Variants in ADCY2 observed in about 807,000 individuals in gnomAD.
The protein encoded by ADCY2 is adenylate cyclase type 2.
A neutral mutation model predicts 125.2 loss-of-function variants in ADCY2; 31 were observed. The ratio of observed to expected loss-of-function variants is 0.25; its 90% CI spans 0.19 to 0.33. The LOEUF is 0.33. ADCY2 is among the 10% of genes least tolerant of loss of function. The pLI is 1.00. For synonymous variants in ADCY2, 512 were observed against 548.4 expected, an observed-to-expected ratio of 0.93 and a Z score of 0.93; for missense variants, 904 against 1,418.2, an observed-to-expected ratio of 0.64 and a Z score of 5.82.
intron 3 of ADCY2, among the ~76,000 whole-genome samples, chr5:7,623,276 T>A (rs1354674933): frequency 6.6e-6 from 1 of 152,230 alleles, no homozygotes; most frequent in Non-Finnish European, 1.5e-5. Context: ...GAATAATCAC[T>A]GAGTTGCTTT....
At chr5:7,588,805 A>C (rs979748121) in intron 3 of ADCY2, among the ~76,000 whole-genome samples, 3 of 152,236 alleles carry the variant, frequency 2.0e-5, no homozygotes, top group African/African-American at 7.2e-5. Context: ...CTGTACAAAA[A>C]CAAGCTGCAG....
intron 1 of ADCY2, among the ~76,000 whole-genome samples, chr5:7,402,668 C>T (rs1479397987): frequency 6.6e-6 from 1 of 152,180 alleles, no homozygotes; most frequent in Non-Finnish European, 1.5e-5. Context: ...CAGATTGTAT[C>T]TCAGAGTTGA....
At chr5:7,675,001 A>G (rs1006144127) in intron 4 of ADCY2, among the ~76,000 whole-genome samples, 2 of 151,940 alleles carry the variant, frequency 1.3e-5, no homozygotes, top group African/African-American at 4.8e-5. Context: ...TAAAAATACA[A>G]AAAATTAGCT....
intron 23 of ADCY2, among the ~76,000 whole-genome samples, chr5:7,819,187 G>T (rs115077063): frequency 0.012 from 1,794 of 152,208 alleles, 37 homozygotes; most frequent in African/African-American, 0.041. Flanking sequence ...CACATTGAGG[G>T]TGGGTCTGCC....
At chr5:7,579,093 A>C (rs1245101851) in intron 3 of ADCY2, among the ~76,000 whole-genome samples, 1 of 152,186 alleles carries the variant, frequency 6.6e-6, no homozygotes, top group Non-Finnish European at 1.5e-5. Context: ...CAGTGGGGTA[A>C]TATAGTTTCA....
intron 3 of ADCY2, among the ~76,000 whole-genome samples, chr5:7,591,963 A>G (rs1054533967): frequency 1.3e-5 from 2 of 152,118 alleles, no homozygotes. Flanking sequence ...TTTCCTTTTC[A>G]ATTTGTAGAA....
At chr5:7,485,133 C>T (rs1173004615) in intron 2 of ADCY2, among the ~76,000 whole-genome samples, 2 of 152,134 alleles carry the variant, frequency 1.3e-5, no homozygotes, top group Non-Finnish European at 1.5e-5. Context: ...AATTATCAGC[C>T]CTCTTTATAC....
chr5:7,472,310 AATCT>A (rs1742370775), intron 2 of ADCY2, among the ~76,000 whole-genome samples: 1 of 152,088 alleles, frequency 6.6e-6, no homozygotes, highest in East Asian at 1.9e-4. Context: ...TTCACTTGTG[AATCT>A]ATCAAAGGCG....
At chr5:7,577,361 T>C (rs1736282345) in intron 3 of ADCY2, among the ~76,000 whole-genome samples, 1 of 152,260 alleles carries the variant, frequency 6.6e-6, no homozygotes, top group African/African-American at 2.4e-5. Context: ...TAAACTGGAT[T>C]GATCAATTTA....
Position 7,401,397 on chromosome 5 carries a change from G to C in ADCY2, c.210+4891G>C, listed in dbSNP as rs372565658. On this transcript the variant is annotated intron_variant, in intron 1 of 24. Transcript: ENST00000338316. ...GTCACAGGGCATTTGACTTTCCCTG[G>C]GTGACTTTGCTAGAGAAGATTGAAG... 2.0e-3 allele frequency among the ~76,000 whole-genome samples: 303 copies of C among 152,216 alleles called. 2 individuals are homozygous for C. The highest frequency in any genetic ancestry group is 7.1e-3 in the African/African-American group (293 of 41,522).
At chr5:7,620,538 C>T (rs1737920516) in intron 3 of ADCY2, among the ~76,000 whole-genome samples, 1 of 152,188 alleles carries the variant, frequency 6.6e-6, no homozygotes, top group Admixed American at 6.5e-5. Context: ...AGAGCAGAAA[C>T]CCTGAGGCCA....
At chr5:7,626,122 G>A (rs1738112890) in intron 3 of ADCY2, 45 bp from the exon 4 acceptor site, 1 of 1,581,196 alleles carries the variant, frequency 6.3e-7, no homozygotes, top group Non-Finnish European at 8.6e-7. Context: ...GTATTCACAA[G>A]TGAGAAACAG....
intron 4 of ADCY2, among the ~76,000 whole-genome samples, chr5:7,634,266 C>T (rs995012974): frequency 2.0e-5 from 3 of 152,122 alleles, no homozygotes; most frequent in Admixed American, 6.5e-5. Flanking sequence ...TTTACTGAAC[C>T]GAGGTATCCA....
At chr5:7,807,819 A>G (rs1007085519) in intron 22 of ADCY2, among the ~76,000 whole-genome samples, 1 of 151,208 alleles carries the variant, frequency 6.6e-6, no homozygotes, top group Non-Finnish European at 1.5e-5. Flanking sequence ...CCCATCCCCT[A>G]CCTCTCCCTA....
At chr5:7,741,937 G>A (rs1041014669) in intron 14 of ADCY2, among the ~76,000 whole-genome samples, 2 of 150,852 alleles carry the variant, frequency 1.3e-5, no homozygotes, top group East Asian at 1.9e-4. Flanking sequence ...TACCATCACC[G>A]TCATTATTAT....
At chr5:7,520,642 A>T in intron 2 of ADCY2, 96 bp from the exon 3 acceptor site, 2 of 1,360,730 alleles carry the variant, frequency 1.5e-6, no homozygotes, top group Non-Finnish European at 2.1e-6. Context: ...AGCATGTCTC[A>T]TGCTGTTCTA....
chr5:7,576,063 G>T (rs1329442928), intron 3 of ADCY2, among the ~76,000 whole-genome samples: 1 of 152,210 alleles, frequency 6.6e-6, no homozygotes, highest in Non-Finnish European at 1.5e-5. Flanking sequence ...TGGGTATGAT[G>T]TTCTGGGTTG....
chr5:7,608,890 T>A (rs1056337909), intron 3 of ADCY2, among the ~76,000 whole-genome samples: 1 of 152,240 alleles, frequency 6.6e-6, no homozygotes, highest in African/African-American at 2.4e-5. Context: ...TACTGAAGTC[T>A]GCTGACAGGA....
rs576375514 is a variant in ADCY2, at chr5:7,826,220, G to A, written c.3124-499G>A. 1.4e-4 allele frequency among the ~76,000 whole-genome samples: 22 copies of A among 152,282 alleles called. No individual in the cohort carries two copies. The South Asian group carries it at 4.4e-3, about 30-fold the overall frequency. ...AGTGCTCAGTGCTCCTTCTCGGGGT[G>A]TTCCTCCCATCGACACTGACATCTA... On this transcript the variant is annotated intron_variant, in intron 24 of 24. Coordinates refer to ENST00000338316, the MANE Select transcript of ADCY2 (RefSeq NM_020546.3).
Sources: allele counts gnomAD v4.1 joint callset (sites outside exome capture counted in the v4.1 genomes callset), GRCh38; gene constraint gnomAD v4.1.1; transcripts MANE v1.5; gene names NCBI Gene and HGNC (gene_info 2026-07-23, HGNC 2026-07-21).